The following CCDC191 variants were observed in gnomAD, a reference collection of about 807,000 sequenced individuals.
The protein encoded by CCDC191 is coiled-coil domain-containing protein 191.
CCDC191 carries 99 observed loss-of-function variants against 114.0 expected under a neutral mutation model. That is an observed-to-expected ratio of 0.87 (90% CI 0.74 to 1.03). The LOEUF (loss-of-function observed/expected upper bound fraction) is 1.03. Among genes scored for constraint, CCDC191 ranks in the 50% least tolerant of loss-of-function variants. The pLI, the probability that CCDC191 is intolerant of heterozygous loss-of-function variation, is 0.00. For synonymous variants in CCDC191, 351 were observed against 376.0 expected, an observed-to-expected ratio of 0.93 and a Z score of 0.77; for missense variants, 973 against 1,087.0, an observed-to-expected ratio of 0.90 and a Z score of 1.47.
Position 114,005,605 on chromosome 3 carries a change from A to C in CCDC191, c.1771T>G (p.Trp591Gly). The C allele has an allele frequency of 2.5e-6, 4 of 1,614,112 alleles. No individual in the cohort carries two copies. The highest frequency in any genetic ancestry group is 3.4e-6 in the Non-Finnish European group (4 of 1,179,992). ...ACTGCTAAGGCATGCTCTGCTGCCC[A>C]CTGAGCCTCTGCCAGCTGCAGGTTT... is the stretch of plus-strand genomic sequence containing the variant. ...KKNLQLAEAQ[W>G]AAEHALAVTE... The change falls in exon 10 of 17, where the codon TGG becomes GGG. Residue 591 changes from tryptophan to glycine, a missense_variant. By Grantham distance (184) the Trp-to-Gly change is radical. Coordinates refer to ENST00000295878, the MANE Select transcript of CCDC191 (RefSeq NM_020817.2).
intron 15 of CCDC191, 67 bp downstream of exon 15, chr3:113,978,791 C>T: frequency 6.6e-7 from 1 of 1,520,896 alleles, no homozygotes; most frequent in Non-Finnish European, 9.0e-7. Flanking sequence ...TTCTGGATTT[C>T]ATTTAGTTTT....
At chr3:114,031,916 T>A in intron 6 of CCDC191, 137 bp from the exon 7 acceptor site, 1 of 550,602 alleles carries the variant, frequency 1.8e-6, no homozygotes, top group South Asian at 2.5e-5. Context: ...TAAAACTACA[T>A]AGTAGGGTAA....
chr3:114,023,425 T>C (rs551492710), intron 7 of CCDC191, among the ~76,000 whole-genome samples: 30 of 152,318 alleles, frequency 2.0e-4, no homozygotes, highest in Middle Eastern at 6.8e-3. Flanking sequence ...AGAACAAAGC[T>C]GGAGGCATCT....
At chr3:113,996,963 A>C (rs2075739150) in intron 13 of CCDC191, among the ~76,000 whole-genome samples, 1 of 152,204 alleles carries the variant, frequency 6.6e-6, no homozygotes, top group African/African-American at 2.4e-5. Context: ...AGGTGCAGCA[A>C]ACCACCATGG....
At position 114,010,879 on chromosome 3, in the gene CCDC191, G is replaced by GT. The variant is rs567435479; in HGVS notation, c.1305dup (p.Leu436ThrfsTer22). 3.8e-4 allele frequency: 609 copies of GT among 1,614,104 alleles called. 5 individuals carry two copies. The African/African-American group carries it at 6.8e-3, about 18-fold the overall frequency. ...TTCCCCAGTGATGCTGCCTGCAGCA[G>GT]TGCATCCATCTTCTTCCTAGTTTCC... On this transcript the variant is annotated frameshift_variant, in exon 9 of 17. Transcript: ENST00000295878. LOFTEE classifies it high-confidence loss of function.
chr3:113,965,053 A>C lies in CCDC191; in HGVS notation c.*102T>G. 5.0e-6 allele frequency: 3 copies of C among 600,972 alleles called. No homozygotes were observed. The highest frequency in any genetic ancestry group is 5.5e-6 in the Non-Finnish European group (2 of 360,956). 37.2% of individuals were successfully genotyped at this position (600,972 alleles called of 1,614,324 possible). ...TCCTTTGATCTAAGAAGTAGCTCGT[A>C]GAGAATAAACCAGGTGTATGTATGT... On this transcript the variant is annotated 3_prime_UTR_variant, in exon 17 of 17. Transcript: ENST00000295878.
intron 7 of CCDC191, among the ~76,000 whole-genome samples, chr3:114,022,444 A>G (rs879542416): frequency 6.6e-6 from 1 of 152,186 alleles, no homozygotes; most frequent in Non-Finnish European, 1.5e-5. Flanking sequence ...CTCAGTGATA[A>G]TTGCATCAAA....
rs2075863951 is a variant in CCDC191, at chr3:114,001,946, T to TA, written c.2062-251dup. 3.3e-5 allele frequency among the ~76,000 whole-genome samples: 5 copies of TA among 152,306 alleles called. No individual in the cohort carries two copies. The South Asian group carries it at 8.3e-4, about 25-fold the overall frequency. On this transcript the variant is annotated intron_variant, in intron 12 of 16. Coordinates refer to ENST00000295878, the MANE Select transcript of CCDC191 (RefSeq NM_020817.2). ...ATAAATAAGATCACCAATCTTTCAT[T>TA]AAAAAATGATTACTTTTTAGTTCTT...
rs113172829 is a variant in CCDC191 at position 114,036,776 on chromosome 3, G to C, written c.426C>G (p.Gly142=). ...LKYDKFDDLC[G]YLEEEEESTT... ...TACTTTCCTCTTCTTCCTCCAAATA[G>C]CCACATAAATCTGGGGGAAACAGAA... Residue 142 remains glycine (G), a synonymous_variant, in exon 5 of 17, where the codon GGC becomes GGG. Transcript: ENST00000295878. 4.1e-5 allele frequency: 63 copies of C among 1,543,880 alleles called. 1 individual carries two copies. In the African/African-American group the frequency reaches 4.3e-4, roughly 11 times the overall value.
intron 16 of CCDC191, among the ~76,000 whole-genome samples, chr3:113,975,477 G>C (rs186445682): frequency 1.3e-5 from 2 of 152,150 alleles, no homozygotes; most frequent in Non-Finnish European, 1.5e-5. Context: ...CTGCAATAAA[G>C]TTCATCTATT....
intron 9 of CCDC191, among the ~76,000 whole-genome samples, chr3:114,006,587 GATATATATATATATATAT>G (rs67264886): frequency 2.4e-5 from 2 of 82,620 alleles, no homozygotes; most frequent in African/African-American, 9.6e-5. Context: ...GGTTACTCCA[GATATATATATATATATAT>G]ATATATATAT....
At chr3:114,037,307 G>A (rs1403488872) in intron 4 of CCDC191, among the ~76,000 whole-genome samples, 1 of 151,936 alleles carries the variant, frequency 6.6e-6, no homozygotes, top group Non-Finnish European at 1.5e-5. Context: ...TCCTCCCCTT[G>A]CCCTCCACTG....
At position 114,002,464 on chromosome 3, in the gene CCDC191, C is replaced by T; in HGVS notation, c.2053G>A (p.Glu685Lys). The T allele has an allele frequency of 1.2e-6, 2 of 1,607,404 alleles. No individual in the cohort carries two copies. The highest frequency in any genetic ancestry group is 1.7e-6 in the Non-Finnish European group (2 of 1,176,920). Residue 685 changes from glutamate to lysine, a missense_variant, in exon 12 of 17, where the codon GAA becomes AAA. Coordinates refer to ENST00000295878, the MANE Select transcript of CCDC191 (RefSeq NM_020817.2). ...LAEKKKKQEE[E>K]KLAQLKAQEE... ...CATTTTGAATCTATTACCAATTTTTCTTCTTCTTGTTTTTTCTTCTTCTCT... is the reference window on the plus strand; with the variant it reads ...CATTTTGAATCTATTACCAATTTTTTTTCTTCTTGTTTTTTCTTCTTCTCT...
At position 114,041,905 on chromosome 3, in the gene CCDC191, G is replaced by GA. The variant is rs201938582; in HGVS notation, c.415+797dup. Among the ~76,000 whole-genome samples the GA allele has an allele frequency of 7.2e-4, 106 of 147,658 alleles. 3 individuals carry two copies. In the East Asian group the frequency reaches 0.011, roughly 16 times the overall value. On this transcript the variant is annotated intron_variant, in intron 4 of 16. Transcript: ENST00000295878. ...ACAGTAGTGGTTTTTCTCTCCTCTG[G>GA]AAAAAAAAACTAGAAAAGTAATAAC...
intron 8 of CCDC191, 60 bp from the exon 9 acceptor site, chr3:114,011,081 A>G (rs2076062217): frequency 6.6e-7 from 1 of 1,523,886 alleles, no homozygotes; most frequent in Non-Finnish European, 8.8e-7. Flanking sequence ...TTAATTGATA[A>G]TATAAATGAA....
At chr3:114,045,752 T>G (rs2076621085) in intron 3 of CCDC191, among the ~76,000 whole-genome samples, 1 of 152,196 alleles carries the variant, frequency 6.6e-6, no homozygotes, top group Admixed American at 6.5e-5. Flanking sequence ...CTGTACTTCA[T>G]GCTCCCTTTC....
rs774417809 is a variant in CCDC191, at chr3:113,980,679, A to G, written c.2278T>C (p.Leu760=). ...RKKGLEPWKR[L]RMQSKQNIQV... Reference sequence around the variant, plus strand: ...ATGTTTTGTTTGCTTTGCATTCTCAATCTCTTCCAAGGCTCTAGACCTTTT... The same window carrying G: ...ATGTTTTGTTTGCTTTGCATTCTCAGTCTCTTCCAAGGCTCTAGACCTTTT... Residue 760 remains leucine, a synonymous_variant, in exon 14 of 17, where the codon TTG becomes CTG. Transcript: ENST00000295878. 5 of 1,595,962 alleles carry G rather than the reference A, an allele frequency of 3.1e-6. No individual in the cohort carries two copies. The Admixed American group carries it at 9.1e-5, about 29-fold the overall frequency.
At chr3:114,056,530 T>A, upstream of CCDC191, 1 of 1,611,706 alleles carries the variant, frequency 6.2e-7, no homozygotes, top group Non-Finnish European at 8.5e-7. Context: ...CCGGGCTGCC[T>A]CCGGGTCACG....
At chr3:113,968,183 A>C (rs899715061) in intron 16 of CCDC191, among the ~76,000 whole-genome samples, 3 of 151,954 alleles carry the variant, frequency 2.0e-5, no homozygotes, top group African/African-American at 7.3e-5. Context: ...TGGTAGTTCT[A>C]ATTTTAGTTT....
Sources: allele counts gnomAD v4.1 joint callset (sites outside exome capture counted in the v4.1 genomes callset), GRCh38; gene constraint gnomAD v4.1.1; transcripts MANE v1.5; gene names NCBI Gene and HGNC (gene_info 2026-07-23, HGNC 2026-07-21).